Variants in OTOGL observed in about 807,000 individuals in gnomAD.
The protein encoded by OTOGL is otogelin-like protein.
In OTOGL, 285 loss-of-function variants were observed where a neutral mutation model predicts 318.5. That is an observed-to-expected ratio of 0.89 (90% CI 0.81 to 0.99). The LOEUF is 0.99. OTOGL is among the 50% of genes least tolerant of loss of function. OTOGL has a pLI of 0.00. For missense variants in OTOGL, 2,899 were observed against 2,845.6 expected (o/e 1.02, Z -0.43); for synonymous variants, 987 against 936.5 (o/e 1.05, Z -0.99).
intron 1 of OTOGL, among the ~76,000 whole-genome samples, chr12:80,165,857 T>G (rs1873796481): frequency 6.6e-6 from 1 of 152,206 alleles, no homozygotes; most frequent in Admixed American, 6.5e-5. Flanking sequence ...TTTCCCTTAA[T>G]CCCATCCATA....
At chr12:80,315,160 A>G (rs1886889826) in intron 32 of OTOGL, among the ~76,000 whole-genome samples, 1 of 152,148 alleles carries the variant, frequency 6.6e-6, no homozygotes. Flanking sequence ...GGTATCTATT[A>G]CACAGCGTGG....
intron 26 of OTOGL, among the ~76,000 whole-genome samples, chr12:80,290,857 A>G (rs539863901): frequency 6.6e-6 from 1 of 152,316 alleles, no homozygotes; most frequent in African/African-American, 2.4e-5. Context: ...TCTACTATTT[A>G]TACTCCATAT....
intron 1 of OTOGL, among the ~76,000 whole-genome samples, chr12:80,156,597 G>C (rs906011932): frequency 6.6e-6 from 1 of 152,124 alleles, no homozygotes; most frequent in Non-Finnish European, 1.5e-5. Flanking sequence ...TCTTTCCCAT[G>C]CTGTTCTAGT....
chr12:80,152,347 A>T (rs1293915717), intron 1 of OTOGL, among the ~76,000 whole-genome samples: 2 of 152,268 alleles, frequency 1.3e-5, no homozygotes, highest in East Asian at 3.9e-4. Flanking sequence ...TAAGAAGAGA[A>T]AGCAGAGGCC....
At chr12:80,291,990 C>CT (rs1885075404) in intron 26 of OTOGL, among the ~76,000 whole-genome samples, 1 of 150,568 alleles carries the variant, frequency 6.6e-6, no homozygotes, top group South Asian at 2.1e-4. Flanking sequence ...TTTTCTTTTT[C>CT]TTTTTTTGTT....
At chr12:80,306,791 T>A in intron 29 of OTOGL, among the ~76,000 whole-genome samples, 1 of 90,724 alleles carries the variant, frequency 1.1e-5, no homozygotes, top group African/African-American at 2.9e-5. Context: ...TTTTAAATTT[T>A]ATTTTATTAT....
intron 1 of OTOGL, among the ~76,000 whole-genome samples, chr12:80,208,674 G>C (rs886459866): frequency 7.9e-5 from 12 of 152,114 alleles, no homozygotes; most frequent in African/African-American, 2.4e-4. Context: ...TTGTTTAATT[G>C]GGTATTTGTC....
intron 7 of OTOGL, 88 bp from the exon 8 acceptor site, chr12:80,229,169 C>A: frequency 1.4e-6 from 2 of 1,424,772 alleles, no homozygotes; most frequent in Non-Finnish European, 9.6e-7. Flanking sequence ...ACTAATGAAA[C>A]TATATGATTG....
At chr12:80,344,048 G>T (rs1258141998) in intron 44 of OTOGL, among the ~76,000 whole-genome samples, 4 of 152,140 alleles carry the variant, frequency 2.6e-5, no homozygotes. Flanking sequence ...TGAGGGAAAA[G>T]ACGAAAGTAT....
At chr12:80,240,142 G>T (rs559945759) in intron 11 of OTOGL, among the ~76,000 whole-genome samples, 1 of 151,908 alleles carries the variant, frequency 6.6e-6, no homozygotes, top group South Asian at 2.1e-4. Flanking sequence ...ATGGACACAG[G>T]TTGATTCCAT....
At chr12:80,301,409 C>G (rs980398350) in intron 27 of OTOGL, among the ~76,000 whole-genome samples, 1 of 152,184 alleles carries the variant, frequency 6.6e-6, no homozygotes, top group African/African-American at 2.4e-5. Flanking sequence ...TAATACTTCC[C>G]TGTTTGAAAG....
chr12:80,336,073 C>G lies in OTOGL; in HGVS notation c.4533C>G (p.Asp1511Glu). ...GCCCAAAGGACGTGGAAATGCCTGA[C>G]TGTGGTTTCCGAGGAAGGCCAGTTC... ...LNCPKDVEMP[D>E]CGFRGRPVQV... The change falls in exon 39 of 59, where the codon GAC (aspartate) becomes GAG (glutamate). Residue 1511 changes from aspartate (D) to glutamate (E), a missense_variant. Asp to Glu is a conservative substitution (Grantham distance 45). Transcript: ENST00000547103. The G allele has an allele frequency of 6.3e-7, 1 of 1,598,824 alleles. No homozygotes were observed. The highest frequency in any genetic ancestry group is 8.5e-7 in the Non-Finnish European group (1 of 1,179,400).
chr12:80,246,937 T>C (rs1482419546), intron 11 of OTOGL, among the ~76,000 whole-genome samples: 3 of 46,540 alleles, frequency 6.4e-5, no homozygotes, highest in Admixed American at 4.3e-4. Flanking sequence ...CTAGATTTTC[T>C]AGTTTATTTG....
chr12:80,185,636 G>C (rs1875237065), intron 1 of OTOGL, among the ~76,000 whole-genome samples: 1 of 152,078 alleles, frequency 6.6e-6, no homozygotes, highest in African/African-American at 2.4e-5. Context: ...TCTGTAAAAA[G>C]GGATAATAAT....
At chr12:80,157,460 G>T (rs940819310) in intron 1 of OTOGL, among the ~76,000 whole-genome samples, 2 of 152,046 alleles carry the variant, frequency 1.3e-5, no homozygotes, top group Non-Finnish European at 2.9e-5. Flanking sequence ...TTTTGCTTTG[G>T]TCGCCTGTAC....
rs1884024510 is a variant in OTOGL, at chr12:80,279,108, A to G, written c.2870A>G (p.Tyr957Cys). 6.3e-7 allele frequency: 1 copy of G among 1,594,730 alleles called. No individual in the cohort carries two copies. The highest frequency in any genetic ancestry group is 1.3e-5 in the African/African-American group (1 of 74,634). Residue 957 changes from tyrosine (Y) to cysteine (C), a missense_variant, in exon 26 of 59, where the codon TAT (tyrosine) becomes TGT (cysteine). By Grantham distance (194) the Tyr-to-Cys change is radical. Around this residue, in one of 3 missense-constraint regions of OTOGL, gnomAD observed 2,607 missense variants for 2,524.9 expected, o/e 1.03. Transcript: ENST00000547103. ...VCTIYGDRHY[Y>C]SFDGLEYDYI... ...ACAATATACGGGGACCGACATTATT[A>G]TTCTTTTGATGGACTAGAATATGAC...
chr12:80,342,737 T>C (rs989108116), intron 44 of OTOGL, among the ~76,000 whole-genome samples: 3 of 152,138 alleles, frequency 2.0e-5, no homozygotes, highest in Non-Finnish European at 4.4e-5. Context: ...GTTAGATTCC[T>C]GTGATAGAAA....
chr12:80,144,918 G>T (rs1008568570), intron 1 of OTOGL, among the ~76,000 whole-genome samples: 3 of 150,794 alleles, frequency 2.0e-5, no homozygotes, highest in African/African-American at 7.3e-5. Flanking sequence ...TTTTTTTCTT[G>T]TAAATTTGTT....
intron 37 of OTOGL, among the ~76,000 whole-genome samples, chr12:80,330,018 T>C (rs1887972433): frequency 1.3e-5 from 2 of 152,174 alleles, no homozygotes; most frequent in African/African-American, 4.8e-5. Context: ...GAGGGAAATA[T>C]GTTCCTATTA....
Sources: gnomAD v4.1 joint callset for allele counts (sites outside exome capture counted in the v4.1 genomes callset) on GRCh38, gnomAD v4.1.1 for gene constraint, gnomAD v4.1.1 regional missense constraint, MANE v1.5 for transcripts, NCBI Gene and HGNC (gene_info 2026-07-23, HGNC 2026-07-21) for gene names.